The following WDPCP variants were observed in gnomAD, a reference collection of about 807,000 sequenced individuals.
The protein encoded by WDPCP is WD repeat containing planar cell polarity effector.
In WDPCP, 71 loss-of-function variants were observed where a neutral mutation model predicts 93.1. That is an observed-to-expected ratio of 0.76 (90% CI 0.63 to 0.93). The LOEUF (loss-of-function observed/expected upper bound fraction) is 0.93, where lower values mean the gene tolerates loss of function less well. Ranked by LOEUF, WDPCP falls within the 40% of genes least tolerant of loss-of-function variation. WDPCP has a pLI of 0.00. For missense variants in WDPCP, 844 were observed against 887.4 expected (o/e 0.95, Z 0.62); for synonymous variants, 315 against 315.0 (o/e 1.00, Z 0.00).
chr2:63,218,503 T>C (rs1466612864), intron 14 of WDPCP, among the ~76,000 whole-genome samples: 1 of 151,080 alleles, frequency 6.6e-6, no homozygotes, highest in Non-Finnish European at 1.5e-5. Flanking sequence ...TGCTTTAAAA[T>C]ACAGATTGTT....
rs955807555 is a variant in WDPCP at position 63,148,913 on chromosome 2, G to C, written c.2190+4001C>G. Among the ~76,000 whole-genome samples, 4 of 151,562 alleles carry C rather than the reference G, an allele frequency of 2.6e-5. No homozygotes were observed. In the East Asian group the frequency reaches 5.8e-4, roughly 22 times the overall value. Reference sequence around the variant, plus strand: ...ACATCCCAAACCCCAATGGATTAAAGACAAATGTGAAAGGTAAAAACTTTA... The same window carrying C: ...ACATCCCAAACCCCAATGGATTAAACACAAATGTGAAAGGTAAAAACTTTA... On this transcript the variant is annotated intron_variant, in intron 17 of 17. Coordinates refer to ENST00000272321, the MANE Select transcript of WDPCP (RefSeq NM_015910.7).
At chr2:63,592,305 A>G (rs117408090), upstream of WDPCP, among the ~76,000 whole-genome samples, 14 of 152,352 alleles carry the variant, frequency 9.2e-5, no homozygotes, top group East Asian at 2.7e-3. Flanking sequence ...AGTTTTCTCA[A>G]TACATAATAT....
chr2:63,459,006 C>T (rs1235935990), intron 6 of WDPCP, among the ~76,000 whole-genome samples: 1 of 152,042 alleles, frequency 6.6e-6, no homozygotes, highest in South Asian at 2.1e-4. Context: ...TAAATGATAA[C>T]CACTTATTCT....
chr2:63,752,131 C>T (rs552909544), intron 2 of WDPCP: 20 of 610,494 alleles, frequency 3.3e-5, no homozygotes, highest in African/African-American at 1.8e-4. Flanking sequence ...ATTCACACGA[C>T]GGTATTTCTG....
intron 2 of WDPCP, among the ~76,000 whole-genome samples, chr2:63,658,163 T>G (rs1575740564): frequency 6.6e-6 from 1 of 152,204 alleles, no homozygotes; most frequent in Non-Finnish European, 1.5e-5. Context: ...TGCTTCACAT[T>G]ATACCTTTGA....
chr2:63,208,888 G>A (rs1676538735), intron 14 of WDPCP, among the ~76,000 whole-genome samples: 1 of 152,172 alleles, frequency 6.6e-6, no homozygotes, highest in Non-Finnish European at 1.5e-5. Context: ...CCCTCCCTGA[G>A]CTTGCCTTGG....
At chr2:63,281,745 G>A (rs1399966876) in intron 13 of WDPCP, among the ~76,000 whole-genome samples, 1 of 152,136 alleles carries the variant, frequency 6.6e-6, no homozygotes, top group African/African-American at 2.4e-5. Context: ...AACATCGTAT[G>A]TTCTCACTCA....
At chr2:63,567,492 G>A (rs772961719) in intron 1 of WDPCP, among the ~76,000 whole-genome samples, 1 of 152,144 alleles carries the variant, frequency 6.6e-6, no homozygotes, top group African/African-American at 2.4e-5. Context: ...CTAAGCTCTA[G>A]CCTCTCTAGC....
intron 1 of WDPCP, among the ~76,000 whole-genome samples, chr2:63,521,407 TCTAA>T (rs1702923006): frequency 1.3e-5 from 2 of 152,200 alleles, no homozygotes; most frequent in South Asian, 4.2e-4. Flanking sequence ...GGGGTTGCTA[TCTAA>T]TTTCAGACAA....
intron 1 of WDPCP, chr2:63,571,542 C>A (rs1233915038): frequency 2.1e-6 from 1 of 470,710 alleles, no homozygotes; most frequent in Non-Finnish European, 4.4e-6. Flanking sequence ...GACTTCCTTT[C>A]AGTTTATGCC....
chr2:63,540,123 G>C (rs1704598406), intron 1 of WDPCP, among the ~76,000 whole-genome samples: 1 of 151,994 alleles, frequency 6.6e-6, no homozygotes, highest in South Asian at 2.1e-4. Context: ...GTATATTCAA[G>C]ACAAAAACAA....
intron 2 of WDPCP, among the ~76,000 whole-genome samples, chr2:63,651,480 C>A (rs996828470): frequency 4.2e-5 from 6 of 142,286 alleles, no homozygotes; most frequent in Non-Finnish European, 7.4e-5. Context: ...CACAGAGAGA[C>A]TTATTTTAAG....
At chr2:63,586,387 T>G (rs772600327) in intron 1 of WDPCP, among the ~76,000 whole-genome samples, 1 of 152,228 alleles carries the variant, frequency 6.6e-6, no homozygotes, top group Non-Finnish European at 1.5e-5. Flanking sequence ...TAATGCTCTG[T>G]TTGTTGCCTT....
chr2:63,722,660 G>GT (rs1395513811), intron 2 of WDPCP, among the ~76,000 whole-genome samples: 2 of 132,658 alleles, frequency 1.5e-5, no homozygotes, highest in African/African-American at 5.5e-5. Flanking sequence ...AGGGAGGTGG[G>GT]GGGGGGTCAG....
intron 9 of WDPCP, among the ~76,000 whole-genome samples, chr2:63,424,368 C>T (rs1696098003): frequency 6.6e-6 from 1 of 152,130 alleles, no homozygotes; most frequent in South Asian, 2.1e-4. Flanking sequence ...CAACTGACCA[C>T]TGAGCCAGGA....
chr2:63,203,136 A>G lies in WDPCP; in HGVS notation c.1916-28304T>C, dbSNP rs72890566. On this transcript the variant is annotated intron_variant, in intron 14 of 17. Transcript: ENST00000272321. ...GCATTTATATCAGTTGCTTTATATA[A>G]TACCCTTGGCACCTGTCTTTTTTAT... Among the ~76,000 whole-genome samples, 726 of 152,250 alleles carry G rather than the reference A, an allele frequency of 4.8e-3. 6 individuals are homozygous for G. The highest frequency in any genetic ancestry group is 0.017 in the African/African-American group (700 of 41,548).
At chr2:63,403,927 G>T in intron 10 of WDPCP, 121 bp downstream of exon 10, 2 of 1,378,708 alleles carry the variant, frequency 1.5e-6, no homozygotes, top group Non-Finnish European at 2.0e-6. Flanking sequence ...TATTTGAAAG[G>T]CAAACATATT....
intron 3 of WDPCP, among the ~76,000 whole-genome samples, chr2:63,600,615 G>A (rs1392737108): frequency 6.6e-6 from 1 of 152,164 alleles, no homozygotes; most frequent in East Asian, 1.9e-4. Context: ...AAGAAAGGTT[G>A]GCTGCTATTA....
Position 63,472,584 on chromosome 2 carries a change from TA to T in WDPCP, c.384+12019del, listed in dbSNP as rs1388478212. 1.9e-3 allele frequency among the ~76,000 whole-genome samples: 294 copies of T among 152,136 alleles called. 2 individuals are homozygous for T. The highest frequency in any genetic ancestry group is 6.5e-3 in the African/African-American group (270 of 41,486). On this transcript the variant is annotated intron_variant, in intron 6 of 17. Coordinates refer to ENST00000272321, the MANE Select transcript of WDPCP (RefSeq NM_015910.7). Reference sequence around the variant, plus strand: ...TTCCCTTTTTCCTGATTATTACTTTTATTTTTTATTTTTTATTTTTTTGATA... The same window carrying T: ...TTCCCTTTTTCCTGATTATTACTTTTTTTTTTATTTTTTATTTTTTTGATA...
Sources: allele counts gnomAD v4.1 joint callset (sites outside exome capture counted in the v4.1 genomes callset), GRCh38; gene constraint gnomAD v4.1.1; transcripts MANE v1.5; gene names NCBI Gene and HGNC (gene_info 2026-07-23, HGNC 2026-07-21).